DUSP16: variants seen among roughly 807,000 people sequenced by gnomAD.
DUSP16 encodes the protein dual specificity protein phosphatase 16.
DUSP16 carries 21 observed loss-of-function variants against 58.3 expected under a neutral mutation model. That is an observed-to-expected ratio of 0.36 (90% CI 0.26 to 0.52). The LOEUF (loss-of-function observed/expected upper bound fraction) is 0.52, where lower values mean the gene tolerates loss of function less well. Among genes scored for constraint, DUSP16 ranks in the 20% least tolerant of loss-of-function variants. DUSP16 has a pLI of 0.94. For missense variants in DUSP16, 726 were observed against 819.0 expected (o/e 0.89, Z 1.39); for synonymous variants, 320 against 323.8 (o/e 0.99, Z 0.12).
At chr12:12,542,983 C>T (rs1197704097) in intron 1 of DUSP16, among the ~76,000 whole-genome samples, 1 of 152,146 alleles carries the variant, frequency 6.6e-6, no homozygotes, top group Non-Finnish European at 1.5e-5. Context: ...GAAATTGGTA[C>T]TCTGCAACCC....
chr12:12,515,297 A>G (rs1431484298), intron 3 of DUSP16, among the ~76,000 whole-genome samples: 1 of 150,764 alleles, frequency 6.6e-6, no homozygotes, highest in Admixed American at 6.6e-5. Context: ...TGATACATTT[A>G]TGTTACACCC....
chr12:12,545,125 A>G (rs1944622449), intron 1 of DUSP16, among the ~76,000 whole-genome samples: 1 of 152,200 alleles, frequency 6.6e-6, no homozygotes, highest in Non-Finnish European at 1.5e-5. Flanking sequence ...AGTTTCAGGT[A>G]TCTTTCTTAG....
chr12:12,532,959 A>AC (rs1370099432), intron 1 of DUSP16, among the ~76,000 whole-genome samples: 76 of 151,930 alleles, frequency 5.0e-4, no homozygotes, highest in African/African-American at 1.7e-3. Context: ...AAAAAAAAAA[A>AC]AAAACAAAGA....
chr12:12,513,378 A>G (rs1472944356), intron 3 of DUSP16, among the ~76,000 whole-genome samples: 1 of 152,194 alleles, frequency 6.6e-6, no homozygotes, highest in Non-Finnish European at 1.5e-5. Context: ...AAATTCTCAA[A>G]AAGACTGAGA....
rs1277006957 is a variant in DUSP16, at chr12:12,552,953, G to C, written c.-366+9164C>G. Among the ~76,000 whole-genome samples, 3 of 151,938 alleles carry C rather than the reference G, an allele frequency of 2.0e-5. No homozygotes were observed. In the East Asian group the frequency reaches 5.8e-4, roughly 29 times the overall value. On this transcript the variant is annotated intron_variant, in intron 1 of 6. Coordinates refer to ENST00000298573, the MANE Select transcript of DUSP16 (RefSeq NM_030640.3). The stretch of plus-strand genomic sequence containing the variant: ...CCACCACCACACCTGGCTAATTTTT[G>C]TATTTTTAGTAGAGACGGGGTTTTA...
chr12:12,486,987 C>T (rs748620726), intron 5 of DUSP16, 41 bp downstream of exon 5: 5 of 1,606,798 alleles, frequency 3.1e-6, no homozygotes, highest in Non-Finnish European at 4.3e-6. Flanking sequence ...ACACATGAGA[C>T]GATCACCCAC....
chr12:12,515,936 C>T (rs925238655), intron 3 of DUSP16, among the ~76,000 whole-genome samples: 6 of 151,582 alleles, frequency 4.0e-5, no homozygotes, highest in African/African-American at 9.7e-5. Flanking sequence ...CCACCATGCC[C>T]GGCTAATTTT....
intron 5 of DUSP16, chr12:12,485,230 T>C (rs1012987137): frequency 2.0e-5 from 3 of 149,356 alleles, no homozygotes; most frequent in Non-Finnish European, 3.0e-5. Context: ...CAGGCTGGTC[T>C]CGAACTCCTG....
At chr12:12,478,989 C>T (rs1024785201) in intron 6 of DUSP16, among the ~76,000 whole-genome samples, 2 of 152,102 alleles carry the variant, frequency 1.3e-5, no homozygotes, top group African/African-American at 4.8e-5. Context: ...CATATAGCTC[C>T]ACAGAATCCT....
Position 12,495,412 on chromosome 12 carries a change from A to G in DUSP16, c.531+5107T>C, listed in dbSNP as rs557393162. On this transcript the variant is annotated intron_variant, in intron 4 of 6. Coordinates refer to ENST00000298573, the MANE Select transcript of DUSP16 (RefSeq NM_030640.3). ...AATAGTGATTCTAGTTTCAACACAC[A>G]GTTGAGTAAACTTTCAAAAATGATT... Among the ~76,000 whole-genome samples, 11 of 152,342 alleles carry G rather than the reference A, an allele frequency of 7.2e-5. No homozygotes were observed. The South Asian group carries it at 2.3e-3, about 32-fold the overall frequency.
At chr12:12,553,732 C>T (rs1944767951) in intron 1 of DUSP16, among the ~76,000 whole-genome samples, 1 of 152,042 alleles carries the variant, frequency 6.6e-6, no homozygotes, top group African/African-American at 2.4e-5. Context: ...TTTGTGGCGA[C>T]AAGGTTTCAC....
At chr12:12,549,721 ATAAG>A (rs762394455) in intron 1 of DUSP16, among the ~76,000 whole-genome samples, 43 of 152,248 alleles carry the variant, frequency 2.8e-4, no homozygotes, top group South Asian at 6.2e-4. Flanking sequence ...TTTGAATACA[ATAAG>A]TAAGTATGAA....
chr12:12,559,800 T>C (rs1015606226), intron 1 of DUSP16, among the ~76,000 whole-genome samples: 4 of 152,064 alleles, frequency 2.6e-5, no homozygotes, highest in Non-Finnish European at 5.9e-5. Context: ...AACACATAAA[T>C]CCTGCCTCTT....
intron 3 of DUSP16, among the ~76,000 whole-genome samples, chr12:12,510,695 A>T (rs183682415): frequency 5.9e-5 from 9 of 152,336 alleles, no homozygotes; most frequent in Admixed American, 3.9e-4. Context: ...GATAAACTTT[A>T]ACCAAATAAT....
chr12:12,553,181 T>C (rs1944758092), intron 1 of DUSP16, among the ~76,000 whole-genome samples: 1 of 152,208 alleles, frequency 6.6e-6, no homozygotes, highest in Admixed American at 6.5e-5. Context: ...AAACAAAAGA[T>C]TTTTGGGGTC....
In DUSP16 at chr12:12,491,460, A is replaced by G. The variant is rs1943760040; in HGVS notation, c.532-4273T>C. On this transcript the variant is annotated intron_variant, in intron 4 of 6. Coordinates refer to ENST00000298573, the MANE Select transcript of DUSP16 (RefSeq NM_030640.3). Reference sequence around the variant, plus strand: ...TTTTATTTATAGATACGTATCAATGACTTCTTACTAAATTATAAAAAGATA... The same window carrying G: ...TTTTATTTATAGATACGTATCAATGGCTTCTTACTAAATTATAAAAAGATA... 3.3e-5 allele frequency: 5 copies of G among 152,306 alleles called. No homozygotes were observed. In the South Asian group the frequency reaches 1.0e-3, roughly 32 times the overall value. 9.4% of individuals were successfully genotyped at this position (152,306 alleles called of 1,614,324 possible).
In DUSP16 at chr12:12,520,864, C is replaced by T. The variant is rs777883447; in HGVS notation, c.228+7G>A. On this transcript the variant is annotated splice_region_variant and intron_variant, in intron 2 of 6. Coordinates refer to ENST00000298573, the MANE Select transcript of DUSP16 (RefSeq NM_030640.3). ...TATTTTGAAAAGGCAAAAAGGAAAG[C>T]GTTTACCTTATGTTTCGCTGAATGC... 59 of 1,613,878 alleles carry T rather than the reference C, an allele frequency of 3.7e-5. No individual in the cohort carries two copies. In the Admixed American group the frequency reaches 6.2e-4, roughly 17 times the overall value.
intron 1 of DUSP16, among the ~76,000 whole-genome samples, chr12:12,537,711 A>G (rs926284458): frequency 6.6e-5 from 10 of 152,240 alleles, no homozygotes; most frequent in Non-Finnish European, 1.0e-4. Context: ...TACATTCAAA[A>G]GAAACCTATC....
rs1451896574 is a variant in DUSP16, at chr12:12,519,918, A to G, written c.311T>C (p.Leu104Pro). The G allele has an allele frequency of 6.2e-7, 1 of 1,614,008 alleles. No individual in the cohort carries two copies. The highest frequency in any genetic ancestry group is 1.3e-5 in the African/African-American group (1 of 74,940). ...CTCCAGTTTACCCAGAAGTACAGTG[A>G]GAAAACAGTCTGAAGAGAGAGAGGC... ...DVASLSSDCF[L>P]TVLLGKLEKS... is the part of the protein sequence containing the mutation. The change falls in exon 3 of 7, where the codon CTC (leucine) becomes CCC (proline). Residue 104 changes from leucine to proline, a missense_variant. Coordinates refer to ENST00000298573, the MANE Select transcript of DUSP16 (RefSeq NM_030640.3).
Sources: gnomAD v4.1 joint callset for allele counts (sites outside exome capture counted in the v4.1 genomes callset) on GRCh38, gnomAD v4.1.1 for gene constraint, MANE v1.5 for transcripts, NCBI Gene and HGNC (gene_info 2026-07-23, HGNC 2026-07-21) for gene names.